The following NLN variants were observed in gnomAD, a reference collection of about 807,000 sequenced individuals.
The protein encoded by NLN is neurolysin.
Under a neutral mutation model 79.9 loss-of-function variants are expected in NLN, and 64 were observed. The observed-to-expected ratio is 0.80, with a 90% CI of 0.65 to 0.99. The LOEUF (loss-of-function observed/expected upper bound fraction) is 0.99. NLN is among the 50% of genes least tolerant of loss of function. NLN has a pLI of 0.00. For synonymous variants in NLN, 267 were observed against 296.6 expected, an observed-to-expected ratio of 0.90 and a Z score of 1.02; for missense variants, 835 against 858.7, an observed-to-expected ratio of 0.97 and a Z score of 0.34.
At chr5:65,761,549 C>T (rs911085776) in intron 2 of NLN, among the ~76,000 whole-genome samples, 2 of 152,112 alleles carry the variant, frequency 1.3e-5, no homozygotes, top group African/African-American at 2.4e-5. Flanking sequence ...GCCTCAGCCT[C>T]CCAGAATGCT....
At chr5:65,724,804 CTT>C (rs558656791) in intron 1 of NLN, among the ~76,000 whole-genome samples, 23 of 126,352 alleles carry the variant, frequency 1.8e-4, no homozygotes, top group Middle Eastern at 4.0e-3. Context: ...TTTTTTTTTT[CTT>C]TTTTTTTTTT....
chr5:65,774,871 C>A (rs1315801154), intron 3 of NLN, among the ~76,000 whole-genome samples: 3 of 151,860 alleles, frequency 2.0e-5, no homozygotes, highest in African/African-American at 4.8e-5. Context: ...ATTACACACA[C>A]ATGCCACCAC....
chr5:65,792,762 T>G, intron 9 of NLN, 107 bp downstream of exon 9: 1 of 970,900 alleles, frequency 1.0e-6, no homozygotes, highest in Non-Finnish European at 1.7e-6. Context: ...AAGCTGAATG[T>G]GTTCAAGAAT....
intron 1 of NLN, among the ~76,000 whole-genome samples, chr5:65,749,874 A>T (rs950202872): frequency 6.6e-6 from 1 of 152,228 alleles, no homozygotes; most frequent in African/African-American, 2.4e-5. Context: ...CCCTATGGAA[A>T]GAACTGAAAG....
At chr5:65,822,725 G>A in intron 12 of NLN, 56 bp from the exon 13 acceptor site, 1 of 1,401,192 alleles carries the variant, frequency 7.1e-7, no homozygotes. Flanking sequence ...TGCATCTAGA[G>A]ATTTGGAAAA....
Position 65,825,376 on chromosome 5 carries a change from G to A in NLN, c.*2461G>A, listed in dbSNP as rs941495632. 1 of 152,006 alleles carries A rather than the reference G, an allele frequency of 6.6e-6. No homozygotes were observed. Among genetic ancestry groups the A allele is most frequent in the Non-Finnish European group, 1.5e-5 (1 of 67,992 alleles). 9.4% of individuals were successfully genotyped at this position (152,006 alleles called of 1,614,324 possible). Reference sequence around the variant, plus strand: ...GTCTCTCCTGGTAATTGATCCAGGGGATTTAGGCCTCTTTCGGGTTTTTTG... The same window carrying A: ...GTCTCTCCTGGTAATTGATCCAGGGAATTTAGGCCTCTTTCGGGTTTTTTG... On this transcript the variant is annotated 3_prime_UTR_variant, in exon 13 of 13. Coordinates refer to ENST00000380985, the MANE Select transcript of NLN (RefSeq NM_020726.5).
In NLN at chr5:65,722,210, C is replaced by T; in HGVS notation, c.-164C>T. On this transcript the variant is annotated 5_prime_UTR_variant, in exon 1 of 13. Transcript: ENST00000380985. ...CGGCGCGGGGCGGGGCTGGTAGGCG[C>T]CGGCGTGGAGCTGCCGCACGTGGGA... The T allele has an allele frequency of 5.6e-6, 2 of 360,226 alleles. No homozygotes were observed. The highest frequency in any genetic ancestry group is 9.7e-6 in the Non-Finnish European group (2 of 206,514). The allele number at this position is 360,226 out of a possible 1,614,324, so 22.3% of individuals were successfully genotyped here.
chr5:65,736,099 C>T (rs189205608), intron 1 of NLN, among the ~76,000 whole-genome samples: 2 of 152,168 alleles, frequency 1.3e-5, no homozygotes, highest in African/African-American at 2.4e-5. Flanking sequence ...CCTTGAGTGC[C>T]CCCTTCAACC....
chr5:65,771,963 C>CAAAAACAA (rs374968312), intron 3 of NLN, among the ~76,000 whole-genome samples: 83 of 137,806 alleles, frequency 6.0e-4, no homozygotes, highest in African/African-American at 2.0e-3. Context: ...AAAACAATGA[C>CAAAAACAA]AAAAAAAAAA....
rs1198678809 is a variant in NLN at position 65,774,480 on chromosome 5, T to G, written c.451-2947T>G. On this transcript the variant is annotated intron_variant, in intron 3 of 12. Coordinates refer to ENST00000380985, the MANE Select transcript of NLN (RefSeq NM_020726.5). ...TCTTAGAAAATCCTTGGGCAGTAAT[T>G]CTGACCTTGCCTGGAGATTGTAAGA... is the stretch of plus-strand genomic sequence containing the variant. 5.3e-5 allele frequency among the ~76,000 whole-genome samples: 8 copies of G among 152,106 alleles called. No individual in the cohort carries two copies. In the East Asian group the frequency reaches 1.5e-3, roughly 29 times the overall value.
At chr5:65,781,558 A>G in intron 6 of NLN, 137 bp downstream of exon 6, 3 of 674,034 alleles carry the variant, frequency 4.5e-6, no homozygotes, top group Non-Finnish European at 7.7e-6. Flanking sequence ...CCTCAGACTT[A>G]CAAGACTTTT....
intron 9 of NLN, chr5:65,793,493 A>G (rs1760109520): frequency 6.6e-6 from 1 of 152,492 alleles, no homozygotes; most frequent in Non-Finnish European, 1.5e-5. Context: ...TTATCCAGGC[A>G]TGGTGGTATG....
intron 9 of NLN, among the ~76,000 whole-genome samples, chr5:65,796,679 C>T (rs1398031759): frequency 1.3e-5 from 2 of 152,202 alleles, no homozygotes; most frequent in African/African-American, 4.8e-5. Context: ...GTGATCACTA[C>T]TTTTGTTTTT....
chr5:65,783,701 A>AT (rs1251782637), intron 6 of NLN, among the ~76,000 whole-genome samples: 6 of 129,816 alleles, frequency 4.6e-5, no homozygotes, highest in East Asian at 2.8e-4. Flanking sequence ...CTCTATGAAA[A>AT]TTAAAAAAAA....
chr5:65,748,995 T>C (rs919196354), intron 1 of NLN, among the ~76,000 whole-genome samples: 4 of 152,176 alleles, frequency 2.6e-5, no homozygotes, highest in African/African-American at 9.7e-5. Context: ...CTCGTGATAG[T>C]GAATAAGTCT....
At chr5:65,736,863 G>A (rs976657427) in intron 1 of NLN, among the ~76,000 whole-genome samples, 1 of 152,286 alleles carries the variant, frequency 6.6e-6, no homozygotes, top group African/African-American at 2.4e-5. Flanking sequence ...CACTTTGGGA[G>A]GCTGAGGCAA....
intron 9 of NLN, among the ~76,000 whole-genome samples, chr5:65,797,631 C>T (rs1055140447): frequency 1.2e-4 from 19 of 152,034 alleles, no homozygotes; most frequent in African/African-American, 3.1e-4. Context: ...CTTCCCTGGA[C>T]GATTGGGAGA....
At chr5:65,729,366 T>C (rs1758549668) in intron 1 of NLN, among the ~76,000 whole-genome samples, 2 of 142,118 alleles carry the variant, frequency 1.4e-5, no homozygotes, top group Admixed American at 1.5e-4. Flanking sequence ...TAGGTTTTCT[T>C]TTCTTTTTTT....
chr5:65,778,775 C>T (rs1313112675), intron 4 of NLN, among the ~76,000 whole-genome samples: 1 of 152,110 alleles, frequency 6.6e-6, no homozygotes, highest in Non-Finnish European at 1.5e-5. Context: ...TAAAGGGTGG[C>T]TTCCTTTCAT....
Sources: allele counts gnomAD v4.1 joint callset (sites outside exome capture counted in the v4.1 genomes callset), GRCh38; gene constraint gnomAD v4.1.1; transcripts MANE v1.5; gene names NCBI Gene and HGNC (gene_info 2026-07-23, HGNC 2026-07-21).